The following RIC8B variants were observed in gnomAD, a reference collection of about 807,000 sequenced individuals.
The protein encoded by RIC8B is chaperone Ric-8B.
Under a neutral mutation model 57.5 loss-of-function variants are expected in RIC8B, and 16 were observed. The observed-to-expected ratio is 0.28, with a 90% CI of 0.19 to 0.42. The LOEUF (loss-of-function observed/expected upper bound fraction) is 0.42. Among genes scored for constraint, RIC8B ranks in the 10% least tolerant of loss-of-function variants. RIC8B has a pLI of 1.00. For missense variants in RIC8B, 481 were observed against 677.0 expected (o/e 0.71, Z 3.21); for synonymous variants, 216 against 250.8 (o/e 0.86, Z 1.31).
Position 106,814,922 on chromosome 12 carries a change from G to A in RIC8B, c.359G>A (p.Cys120Tyr). 6.2e-7 allele frequency: 1 copy of A among 1,614,226 alleles called. No individual in the cohort carries two copies. Among genetic ancestry groups the A allele is most frequent in the Non-Finnish European group, 8.5e-7 (1 of 1,180,038 alleles). Residue 120 changes from cysteine (C) to tyrosine (Y), a missense_variant, in exon 3 of 10, where the codon TGT becomes TAT. This residue lies in a region of RIC8B where 421 missense variants were observed against 560.9 expected (regional missense o/e 0.75). Transcript: ENST00000392837. ...CCAGTTATTGTGGAGTCATTAAAAT[G>A]TCTGTGTAATATAGTGTTCAACAGT... ...EFPVIVESLK[C>Y]LCNIVFNSQM...
At chr12:106,833,478 G>A (rs1291704963) in intron 4 of RIC8B, among the ~76,000 whole-genome samples, 1 of 152,028 alleles carries the variant, frequency 6.6e-6, no homozygotes, top group Non-Finnish European at 1.5e-5. Flanking sequence ...ACGCATGCCT[G>A]TAATCCCAGC....
chr12:106,837,176 A>G (rs2046641263), intron 4 of RIC8B, among the ~76,000 whole-genome samples: 1 of 152,194 alleles, frequency 6.6e-6, no homozygotes, highest in African/African-American at 2.4e-5. Context: ...AGCCTGACCA[A>G]CATGGTGAAA....
At position 106,874,503 on chromosome 12, in the gene RIC8B, C is replaced by A. The variant is rs1300590067; in HGVS notation, c.1571+3561C>A. 3 of 1,551,322 alleles carry A rather than the reference C, an allele frequency of 1.9e-6. No homozygotes were observed. The Admixed American group carries it at 5.9e-5, about 30-fold the overall frequency. On this transcript the variant is annotated intron_variant, in intron 9 of 9. Coordinates refer to ENST00000392837, the MANE Select transcript of RIC8B (RefSeq NM_001330145.2). ...TAGGAGAGCAGATGTGAAGGACCTG[C>A]ACCAGGATGGTGGTTAGCAACAGTG...
rs1386150593 is a variant in RIC8B at position 106,774,724 on chromosome 12, C to T, written c.-22C>T. The T allele has an allele frequency of 1.3e-6, 2 of 1,541,630 alleles. No individual in the cohort carries two copies. Among genetic ancestry groups the T allele is most frequent in the Non-Finnish European group, 1.8e-6 (2 of 1,141,750 alleles). ...GCGGCTTGGGCGCGCAGAGCGGCCG[C>T]GGCTCCCCCGCACCTGCGGCCATGG... On this transcript the variant is annotated 5_prime_UTR_variant, in exon 1 of 10. Transcript: ENST00000392837.
chr12:106,828,010 CAA>C (rs2046187375), intron 4 of RIC8B, among the ~76,000 whole-genome samples: 1 of 152,110 alleles, frequency 6.6e-6, no homozygotes, highest in African/African-American at 2.4e-5. Context: ...TGAAAGAGAG[CAA>C]AACTATGTAA....
intron 4 of RIC8B, among the ~76,000 whole-genome samples, chr12:106,835,751 G>T (rs867972018): frequency 4.6e-5 from 7 of 152,212 alleles, no homozygotes; most frequent in African/African-American, 1.7e-4. Flanking sequence ...GAATGAAAAT[G>T]TTCTAGGCAG....
At chr12:106,873,572 T>C (rs1950538101) in intron 9 of RIC8B, among the ~76,000 whole-genome samples, 1 of 152,206 alleles carries the variant, frequency 6.6e-6, no homozygotes, top group Non-Finnish European at 1.5e-5. Flanking sequence ...TCAGTACAAT[T>C]CAGGGAACAT....
chr12:106,825,646 C>A, intron 3 of RIC8B, 80 bp from the exon 4 acceptor site: 1 of 986,844 alleles, frequency 1.0e-6, no homozygotes, highest in Non-Finnish European at 1.6e-6. Flanking sequence ...TTGGGGTGGG[C>A]AAGAGATGTA....
intron 1 of RIC8B, among the ~76,000 whole-genome samples, chr12:106,775,636 C>T (rs2043437861): frequency 1.3e-5 from 2 of 152,226 alleles, no homozygotes; most frequent in African/African-American, 4.8e-5. Context: ...CACAACTCTG[C>T]GTAAAAGAGT....
intron 7 of RIC8B, among the ~76,000 whole-genome samples, chr12:106,852,347 A>G (rs1215688567): frequency 6.6e-6 from 1 of 152,186 alleles, no homozygotes; most frequent in African/African-American, 2.4e-5. Context: ...AAGCAGATCT[A>G]TGTTCTACTT....
Position 106,815,091 on chromosome 12 carries a change from C to T in RIC8B, c.528C>T (p.Thr176=), listed in dbSNP as rs138533953. The change falls in exon 3 of 10, where the codon ACC becomes ACT. Residue 176 remains threonine, a synonymous_variant. Transcript: ENST00000392837. ...RLLFLLSLLH[T]DIRSQLRYEL... Reference sequence around the variant, plus strand: ...TCTTCCTTCTGTCACTTTTGCACACCGACATCAGGTCACAATTGCGCTATG... The same window carrying T: ...TCTTCCTTCTGTCACTTTTGCACACTGACATCAGGTCACAATTGCGCTATG... 21 of 1,614,178 alleles carry T rather than the reference C, an allele frequency of 1.3e-5. No individual in the cohort carries two copies. Among genetic ancestry groups the T allele is most frequent in the East Asian group, 2.2e-5 (1 of 44,878 alleles).
In RIC8B at chr12:106,781,590, G is replaced by C. The variant is rs373993627; in HGVS notation, c.85-2407G>C. ...ACAGACCATTATATTTTCTAATTAAGAGCAACAGAATAATTAGACCTTGGT... is the reference window on the plus strand; with the variant it reads ...ACAGACCATTATATTTTCTAATTAACAGCAACAGAATAATTAGACCTTGGT... On this transcript the variant is annotated intron_variant, in intron 1 of 9. Transcript: ENST00000392837. 1.6e-4 allele frequency among the ~76,000 whole-genome samples: 25 copies of C among 152,208 alleles called. No homozygotes were observed. The South Asian group carries it at 1.7e-3, about 10-fold the overall frequency.
At chr12:106,807,566 T>C (rs2045100057) in intron 2 of RIC8B, among the ~76,000 whole-genome samples, 1 of 152,204 alleles carries the variant, frequency 6.6e-6, no homozygotes, top group Non-Finnish European at 1.5e-5. Flanking sequence ...TCTATACACT[T>C]TCATTCTAGT....
chr12:106,798,450 C>A (rs2044585194), intron 2 of RIC8B, among the ~76,000 whole-genome samples: 2 of 152,136 alleles, frequency 1.3e-5, no homozygotes, highest in African/African-American at 4.8e-5. Flanking sequence ...TTTCTGACTT[C>A]AGTGATGATC....
chr12:106,821,960 C>G (rs1050669610), intron 3 of RIC8B, among the ~76,000 whole-genome samples: 2 of 150,666 alleles, frequency 1.3e-5, no homozygotes, highest in East Asian at 3.9e-4. Context: ...TGCCTGTAGT[C>G]CCAGCTACTC....
chr12:106,875,356 A>T (rs1950614231), intron 9 of RIC8B, among the ~76,000 whole-genome samples: 1 of 152,070 alleles, frequency 6.6e-6, no homozygotes, highest in South Asian at 2.1e-4. Context: ...CTGACTTCGG[A>T]AAAAATAAGC....
At chr12:106,849,626 A>G (rs538167439) in intron 6 of RIC8B, among the ~76,000 whole-genome samples, 1 of 152,232 alleles carries the variant, frequency 6.6e-6, no homozygotes, top group East Asian at 1.9e-4. Flanking sequence ...TGCACATTCC[A>G]GTCTAAAATC....
intron 8 of RIC8B, among the ~76,000 whole-genome samples, chr12:106,866,138 C>T (rs1001178561): frequency 6.6e-6 from 1 of 152,144 alleles, no homozygotes; most frequent in African/African-American, 2.4e-5. Flanking sequence ...GTTTTCTCCT[C>T]CAAAAAGTAA....
chr12:106,871,074 A>G lies in RIC8B; in HGVS notation c.1571+132A>G, dbSNP rs1348558790. ...ATTGGAATAGGGTGGCCCAGGCAGC[A>G]GTAGTTCAGATAGCTCTTGGCTACC... On this transcript the variant is annotated intron_variant, in intron 9 of 9. Coordinates refer to ENST00000392837, the MANE Select transcript of RIC8B (RefSeq NM_001330145.2). 7 of 772,686 alleles carry G rather than the reference A, an allele frequency of 9.1e-6. No homozygotes were observed. The East Asian group carries it at 2.0e-4, about 22-fold the overall frequency. 47.9% of individuals were successfully genotyped at this position (772,686 alleles called of 1,614,324 possible).
Sources: allele counts gnomAD v4.1 joint callset (sites outside exome capture counted in the v4.1 genomes callset), GRCh38; gene constraint gnomAD v4.1.1; regional missense constraint gnomAD v4.1.1; transcripts MANE v1.5; gene names NCBI Gene and HGNC (gene_info 2026-07-23, HGNC 2026-07-21).